The following PRKCB variants were observed in gnomAD, a reference collection of about 807,000 sequenced individuals.
The protein encoded by PRKCB is protein kinase C beta type.
Under a neutral mutation model 81.5 loss-of-function variants are expected in PRKCB, and 13 were observed. The ratio of observed to expected loss-of-function variants is 0.16; its 90% CI spans 0.10 to 0.25. PRKCB has a LOEUF of 0.25. PRKCB is among the 10% of genes least tolerant of loss of function. The pLI is 1.00. For synonymous variants in PRKCB, 335 were observed against 321.4 expected, an observed-to-expected ratio of 1.04 and a Z score of -0.45; for missense variants, 509 against 875.7, an observed-to-expected ratio of 0.58 and a Z score of 5.29.
At chr16:24,071,438 A>G (rs1310729888) in intron 5 of PRKCB, among the ~76,000 whole-genome samples, 2 of 104,396 alleles carry the variant, frequency 1.9e-5, no homozygotes, top group Non-Finnish European at 3.8e-5. Flanking sequence ...ACCCTGTCTA[A>G]AAAAAAAAAA....
intron 2 of PRKCB, among the ~76,000 whole-genome samples, chr16:23,848,334 A>G (rs1427958899): frequency 6.6e-6 from 1 of 152,200 alleles, no homozygotes; most frequent in Non-Finnish European, 1.5e-5. Context: ...CTAGGCCTGC[A>G]GTGATGGAAG....
At chr16:24,164,326 T>A (rs1967309239) in intron 10 of PRKCB, among the ~76,000 whole-genome samples, 1 of 152,200 alleles carries the variant, frequency 6.6e-6, no homozygotes, top group Non-Finnish European at 1.5e-5. Context: ...ATTTGGGAAA[T>A]TCTAGCCAAC....
chr16:24,034,897 C>A (rs1049211595), intron 4 of PRKCB, among the ~76,000 whole-genome samples: 5 of 152,198 alleles, frequency 3.3e-5, no homozygotes, highest in Non-Finnish European at 5.9e-5. Context: ...TCCCCAAAAA[C>A]CTTGTGCTCA....
chr16:23,856,769 C>G (rs1204732627), intron 2 of PRKCB, among the ~76,000 whole-genome samples: 1 of 152,190 alleles, frequency 6.6e-6, no homozygotes, highest in African/African-American at 2.4e-5. Flanking sequence ...AAACAGTCCT[C>G]CTACCTTGGC....
chr16:23,932,613 A>G (rs1963995125), intron 2 of PRKCB, among the ~76,000 whole-genome samples: 1 of 152,236 alleles, frequency 6.6e-6, no homozygotes, highest in African/African-American at 2.4e-5. Context: ...AGGATCAGGC[A>G]TCTCAGGAAT....
At chr16:24,008,644 A>G (rs1965161122) in intron 3 of PRKCB, among the ~76,000 whole-genome samples, 1 of 152,122 alleles carries the variant, frequency 6.6e-6, no homozygotes, top group African/African-American at 2.4e-5. Context: ...CCAGACCAGC[A>G]ATCCTTTGGC....
chr16:24,098,927 C>A (rs1966472479), intron 7 of PRKCB: 1 of 152,104 alleles, frequency 6.6e-6, no homozygotes, highest in South Asian at 2.1e-4. Context: ...TTCCCCCAAG[C>A]TTTGGATATT....
chr16:23,948,911 G>A (rs936419876), intron 2 of PRKCB, among the ~76,000 whole-genome samples: 5 of 152,142 alleles, frequency 3.3e-5, no homozygotes, highest in Non-Finnish European at 5.9e-5. Context: ...ATTTGTGGGT[G>A]TGGAAAGGTC....
intron 16 of PRKCB, among the ~76,000 whole-genome samples, chr16:24,205,777 A>G (rs1968037556): frequency 6.6e-6 from 1 of 152,226 alleles, no homozygotes; most frequent in African/African-American, 2.4e-5. Flanking sequence ...CATGTGGCTT[A>G]CAGTCTAGAT....
At chr16:23,981,133 C>G (rs1329297927) in intron 2 of PRKCB, among the ~76,000 whole-genome samples, 1 of 152,174 alleles carries the variant, frequency 6.6e-6, no homozygotes, top group African/African-American at 2.4e-5. Flanking sequence ...TGTCAACATT[C>G]TGAACAGCAG....
chr16:24,151,963 A>C, intron 9 of PRKCB: 1 of 452,452 alleles, frequency 2.2e-6, no homozygotes, highest in South Asian at 1.6e-5. Context: ...ATGTCCTATC[A>C]TGACTGCATC....
chr16:24,000,349 C>T (rs912381370), intron 3 of PRKCB, among the ~76,000 whole-genome samples: 3 of 152,170 alleles, frequency 2.0e-5, no homozygotes, highest in African/African-American at 7.2e-5. Context: ...TGGACTTAAC[C>T]ACCTCTAGCT....
chr16:24,083,809 A>T (rs546136430), intron 5 of PRKCB, among the ~76,000 whole-genome samples: 1 of 152,282 alleles, frequency 6.6e-6, no homozygotes, highest in South Asian at 2.1e-4. Flanking sequence ...TTTTCACAAA[A>T]CTGTGCACCA....
intron 2 of PRKCB, among the ~76,000 whole-genome samples, chr16:23,950,971 C>T (rs552454292): frequency 3.3e-5 from 5 of 152,310 alleles, no homozygotes; most frequent in South Asian, 2.1e-4. Flanking sequence ...GCCCTCTTCC[C>T]GCCTTGTCCC....
chr16:23,850,377 T>TA (rs34613666), intron 2 of PRKCB, among the ~76,000 whole-genome samples: 4,113 of 152,050 alleles, frequency 0.027, 83 homozygotes, highest in South Asian at 0.062. Context: ...TAATTTTTTT[T>TA]AATTTGAGAC....
intron 9 of PRKCB, among the ~76,000 whole-genome samples, chr16:24,148,204 G>A (rs1254844338): frequency 3.3e-5 from 5 of 152,084 alleles, no homozygotes; most frequent in Non-Finnish European, 7.4e-5. Context: ...CTGTGTCCCC[G>A]CCTTGCTAGT....
chr16:24,179,033 T>C (rs1330780918), intron 12 of PRKCB, among the ~76,000 whole-genome samples: 4 of 152,204 alleles, frequency 2.6e-5, no homozygotes, highest in Non-Finnish European at 5.9e-5. Flanking sequence ...TTGCTTCTTT[T>C]CATCTGGTGA....
intron 2 of PRKCB, among the ~76,000 whole-genome samples, chr16:23,968,390 G>A (rs867785785): frequency 2.0e-5 from 3 of 152,208 alleles, no homozygotes; most frequent in African/African-American, 4.8e-5. Context: ...GGCGGTTACC[G>A]TCTGTAAAGA....
chr16:24,154,175 A>T (rs1967119309), intron 9 of PRKCB, among the ~76,000 whole-genome samples: 1 of 152,196 alleles, frequency 6.6e-6, no homozygotes, highest in Non-Finnish European at 1.5e-5. Context: ...CTCTTGATTG[A>T]GTTCAGCTAT....
Sources: allele counts gnomAD v4.1 joint callset (sites outside exome capture counted in the v4.1 genomes callset), GRCh38; gene constraint gnomAD v4.1.1; transcripts MANE v1.5; gene names NCBI Gene and HGNC (gene_info 2026-07-23, HGNC 2026-07-21).